Variants in UNC13D observed in about 807,000 individuals in gnomAD.
The protein encoded by UNC13D is unc-13 homolog D.
In UNC13D, 115 loss-of-function variants were observed where a neutral mutation model predicts 151.7. The ratio of observed to expected loss-of-function variants is 0.76; its 90% confidence interval spans 0.65 to 0.88. The LOEUF (loss-of-function observed/expected upper bound fraction) is 0.88, where lower values mean the gene tolerates loss of function less well. Among genes scored for constraint, UNC13D ranks in the 40% least tolerant of loss-of-function variants. The pLI, the probability that UNC13D is intolerant of heterozygous loss-of-function variation, is 0.00. For missense variants in UNC13D, 1,369 were observed against 1,438.7 expected (o/e 0.95, Z 0.78); for synonymous variants, 588 against 612.2 (o/e 0.96, Z 0.58).
chr17:75,836,535 C>A (rs748262794), intron 14 of UNC13D, 37 bp downstream of exon 14: 10 of 1,613,164 alleles, frequency 6.2e-6, no homozygotes, highest in Non-Finnish European at 8.5e-6. Flanking sequence ...CTCCCTCATC[C>A]CTGACCCCAC....
intron 12 of UNC13D, among the ~76,000 whole-genome samples, chr17:75,838,130 C>T (rs896530936): frequency 1.3e-5 from 2 of 152,180 alleles, no homozygotes; most frequent in South Asian, 2.1e-4. Flanking sequence ...GCTCCCTCCG[C>T]CTCCCACTCA....
chr17:75,834,701 C>T lies in UNC13D; in HGVS notation c.2008G>A (p.Ala670Thr). The change falls in exon 22 of 32, where the codon GCC becomes ACC. Residue 670 changes from alanine to threonine, a missense_variant. Transcript: ENST00000207549. ...VKFVEDTCRL[A>T]LVYCSLIKAR... ...TTTATAAGGCTGCAGTACACCAGGG[C>T]CAGGCGACAGGTGTCCTAGGGTGGG... 3.7e-6 allele frequency: 6 copies of T among 1,613,668 alleles called. No homozygotes were observed. Among genetic ancestry groups the T allele is most frequent in the Non-Finnish European group, 4.2e-6 (5 of 1,180,024 alleles).
Position 75,827,852 on chromosome 17 carries a change from C to A in UNC13D, c.*113G>T. The stretch of plus-strand genomic sequence containing the variant: ...TGGGCACTCCGCATGCTGGGGCTCC[C>A]CAAGTGTTAGGCCAGGCTGGAGGGC... On this transcript the variant is annotated 3_prime_UTR_variant, in exon 32 of 32. Transcript: ENST00000207549. The A allele has an allele frequency of 6.5e-7, 1 of 1,529,706 alleles. No individual in the cohort carries two copies. The highest frequency in any genetic ancestry group is 2.4e-5 in the East Asian group (1 of 41,100). 94.8% of individuals were successfully genotyped at this position (1,529,706 alleles called of 1,614,324 possible).
chr17:75,840,056 G>A lies in UNC13D; in HGVS notation c.913C>T (p.Leu305=). 6.2e-7 allele frequency: 1 copy of A among 1,613,592 alleles called. No homozygotes were observed. Among genetic ancestry groups the A allele is most frequent in the South Asian group, 1.1e-5 (1 of 91,064 alleles). Residue 305 remains leucine, a synonymous_variant, in exon 11 of 32, where the codon CTG becomes TTG. Transcript: ENST00000207549. The surrounding 1 kb of genome is among the most constrained non-coding windows in gnomAD (Gnocchi z 4.6). ...QPSYTVHLHL[L]QQLVSHEVTQ... ...ACCTCGTGGGACACAAGCTGCTGCAGGAGGTGGAGGTGCACGGTGTAGCTC... is the reference window on the plus strand; with the variant it reads ...ACCTCGTGGGACACAAGCTGCTGCAAGAGGTGGAGGTGCACGGTGTAGCTC...
Position 75,828,099 on chromosome 17 carries a change from G to A in UNC13D, c.3152-13C>T, listed in dbSNP as rs1436775872. On this transcript the variant is annotated splice_polypyrimidine_tract_variant and intron_variant, in intron 31 of 31. Transcript: ENST00000207549. ...AGGATTGGGTCCCCTGCGGAGAGAG[G>A]GGTTTGGGGGTCAGATGCCAGGGGA... The A allele has an allele frequency of 6.4e-7, 1 of 1,570,346 alleles. No homozygotes were observed. Among genetic ancestry groups the A allele is most frequent in the Non-Finnish European group, 8.6e-7 (1 of 1,157,582 alleles).
chr17:75,830,496 C>T lies in UNC13D; in HGVS notation c.2710-14G>A. On this transcript the variant is annotated splice_polypyrimidine_tract_variant and intron_variant, in intron 28 of 31. Transcript: ENST00000207549. ...GGTGGTTTCTGCCTGGGGTGGGGAG[C>T]AGGGGCAGGGTCAGCAGGGTCACAG... The T allele has an allele frequency of 6.3e-7, 1 of 1,590,740 alleles. No individual in the cohort carries two copies. Among genetic ancestry groups the T allele is most frequent in the Non-Finnish European group, 8.6e-7 (1 of 1,168,896 alleles).
chr17:75,843,578 A>G, intron 1 of UNC13D, 59 bp from the exon 2 acceptor site: 1 of 1,594,740 alleles, frequency 6.3e-7, no homozygotes. Flanking sequence ...TCAGATGGAC[A>G]GGAATGGCTC....
At chr17:75,828,480 G>C (rs961489491) in intron 31 of UNC13D, among the ~76,000 whole-genome samples, 24 of 152,222 alleles carry the variant, frequency 1.6e-4, no homozygotes, top group African/African-American at 5.8e-4. Flanking sequence ...CTCATAATAA[G>C]TGCACAAGCA....
At chr17:75,830,951 A>G in intron 27 of UNC13D, 147 bp downstream of exon 27, 1 of 1,096,612 alleles carries the variant, frequency 9.1e-7, no homozygotes, top group South Asian at 1.5e-5. Flanking sequence ...TCACCGTTCT[A>G]AAATTTGTAA....
In UNC13D at chr17:75,835,748, C is replaced by T. The variant is rs371924071; in HGVS notation, c.1626G>A (p.Thr542=). The T allele has an allele frequency of 1.0e-4, 168 of 1,613,780 alleles. No individual in the cohort carries two copies. The highest frequency in any genetic ancestry group is 1.3e-4 in the Non-Finnish European group (159 of 1,180,050). The change falls in exon 19 of 32, where the codon ACG becomes ACA. Residue 542 remains threonine, a synonymous_variant. Coordinates refer to ENST00000207549, the MANE Select transcript of UNC13D (RefSeq NM_199242.3). ...CTGGGGACACTACATCACCCACAAC[C>T]GTCGTGTGGTCCTGCACCCGCTTGG... ...LVAKRVQDHT[T]VVGDVVSPEM... is the part of the protein sequence containing the mutation.
In UNC13D at chr17:75,834,545, GCAGAGCTTCCTGAACTGTGCCCAGGC is replaced by G; in HGVS notation, c.2092-40_2092-15del. 2.5e-6 allele frequency: 4 copies of G among 1,603,664 alleles called. No individual in the cohort carries two copies. Among genetic ancestry groups the G allele is most frequent in the Non-Finnish European group, 3.4e-6 (4 of 1,175,088 alleles). The stretch of plus-strand genomic sequence containing the variant: ...CACCACACACAGCTGGGACAGAGAT[GCAGAGCTTCCTGAACTGTGCCCAGGC>G]TGGTCCCCACACCCAGCTAGACTCC... On this transcript the variant is annotated splice_polypyrimidine_tract_variant and intron_variant, in intron 22 of 31. Transcript: ENST00000207549.
rs760466426 is a variant in UNC13D, at chr17:75,828,987, C to T, written c.2955-4G>A. The T allele has an allele frequency of 1.4e-5, 23 of 1,601,470 alleles. No individual in the cohort carries two copies. Among genetic ancestry groups the T allele is most frequent in the Middle Eastern group, 2.0e-4 (1 of 5,106 alleles). On this transcript the variant is annotated splice_region_variant and splice_polypyrimidine_tract_variant and intron_variant, in intron 30 of 31. Coordinates refer to ENST00000207549, the MANE Select transcript of UNC13D (RefSeq NM_199242.3). ...GCACGGCTCAGCAGGCACCAGGCTG[C>T]GGGGAGAGTCAGGGCTCTGCTGCCA...
At chr17:75,843,138 T>C in intron 3 of UNC13D, 21 bp downstream of exon 3, 6 of 1,603,186 alleles carry the variant, frequency 3.7e-6, no homozygotes, top group Non-Finnish European at 4.2e-6. Flanking sequence ...GGAAGGGGGG[T>C]GGGGTGGGAG....
At chr17:75,834,291 T>A in intron 23 of UNC13D, 34 bp downstream of exon 23, 1 of 1,589,558 alleles carries the variant, frequency 6.3e-7, no homozygotes, top group Non-Finnish European at 8.5e-7. Flanking sequence ...GAAGACGGGA[T>A]GGGATGGGGT....
chr17:75,839,794 G>C (rs746888994), intron 12 of UNC13D, 45 bp downstream of exon 12: 7 of 1,598,230 alleles, frequency 4.4e-6, no homozygotes, highest in South Asian at 1.1e-5. Context: ...CAGGGGGCGT[G>C]GGGGGCTGGT....
In UNC13D at chr17:75,834,475, G is replaced by T; in HGVS notation, c.2148C>A (p.Pro716=). ...EQLRLVIGKL[P]AQLAWEALEQ... is the part of the protein sequence containing the mutation. ...CCAGGGCCTCCCATGCCAGCTGGGC[G>T]GGCAACTTGCCGATCACCAGCCGCA... Residue 716 remains proline, a synonymous_variant, in exon 23 of 32, where the codon CCC becomes CCA. Coordinates refer to ENST00000207549, the MANE Select transcript of UNC13D (RefSeq NM_199242.3). The T allele has an allele frequency of 6.4e-7, 1 of 1,566,334 alleles. No homozygotes were observed.
chr17:75,831,579 A>T, intron 25 of UNC13D: 2 of 582,190 alleles, frequency 3.4e-6, no homozygotes, highest in South Asian at 4.0e-5. Flanking sequence ...TCTCAACCTC[A>T]GTGAGGAACC....
chr17:75,844,090 G>A, intron 1 of UNC13D, 131 bp downstream of exon 1: 3 of 1,491,312 alleles, frequency 2.0e-6, no homozygotes, highest in Admixed American at 1.7e-5. Context: ...TCCCCAGGGT[G>A]GAGTAGGCAG....
At position 75,840,024 on chromosome 17, in the gene UNC13D, C is replaced by A; in HGVS notation, c.945G>T (p.Gln315His). Reference protein sequence around the residue: ...LQQLVSHEVTQHEAGSTSWDG... With the variant: ...LQQLVSHEVTHHEAGSTSWDG... Reference sequence around the variant, plus strand: ...AGCCCCAGGAGGGCAATACCTCGTGCTGGGTGACCTCGTGGGACACAAGCT... The same window carrying A: ...AGCCCCAGGAGGGCAATACCTCGTGATGGGTGACCTCGTGGGACACAAGCT... The change falls in exon 11 of 32, where the codon CAG (glutamine) becomes CAT (histidine). Residue 315 changes from glutamine to histidine, a missense_variant. Gln to His is a conservative substitution (Grantham distance 24, BLOSUM62 0). Coordinates refer to ENST00000207549, the MANE Select transcript of UNC13D (RefSeq NM_199242.3). The surrounding 1 kb of genome is among the most constrained non-coding windows in gnomAD (Gnocchi z 4.6). 2 of 1,613,584 alleles carry A rather than the reference C, an allele frequency of 1.2e-6. No individual in the cohort carries two copies. Among genetic ancestry groups the A allele is most frequent in the Non-Finnish European group, 1.7e-6 (2 of 1,179,964 alleles).
Sources: allele counts gnomAD v4.1 joint callset (sites outside exome capture counted in the v4.1 genomes callset), GRCh38; gene constraint gnomAD v4.1.1; non-coding constraint Gnocchi (gnomAD v3.1); transcripts MANE v1.5; gene names NCBI Gene and HGNC (gene_info 2026-07-23, HGNC 2026-07-21).